Variants in NEXMIF observed in about 807,000 individuals in gnomAD.
NEXMIF encodes the protein neurite extension and migration factor.
A neutral mutation model predicts 62.1 loss-of-function variants in NEXMIF; 8 were observed. The ratio of observed to expected loss-of-function variants is 0.13; its 90% CI spans 0.08 to 0.23. NEXMIF has a LOEUF of 0.23. Among genes scored for constraint, NEXMIF ranks in the 10% least tolerant of loss-of-function variants. The pLI is 1.00. For missense variants in NEXMIF, 976 were observed against 1,113.3 expected (o/e 0.88, Z 1.75); for synonymous variants, 404 against 416.6 (o/e 0.97, Z 0.37).
intron 1 of NEXMIF, among the ~76,000 whole-genome samples, chrX:74,845,840 C>T (rs1029334016): frequency 3.6e-5 from 4 of 110,080 alleles, no homozygotes; most frequent in Non-Finnish European, 5.7e-5. Context: ...CTAATTATAA[C>T]CTCTCTTAAA....
At chrX:74,914,683 TCAAA>T (rs915612224) in intron 1 of NEXMIF, among the ~76,000 whole-genome samples, 20 of 110,988 alleles carry the variant, frequency 1.8e-4, no homozygotes, top group South Asian at 3.8e-4. Flanking sequence ...TCCGCCCCAC[TCAAA>T]CAAACAAACA....
chrX:74,914,968 TAA>T (rs1569368299), intron 1 of NEXMIF, among the ~76,000 whole-genome samples: 1 of 112,372 alleles, frequency 8.9e-6, no homozygotes, highest in Non-Finnish European at 1.9e-5. Context: ...TCCATTTATA[TAA>T]AAATCTTGAA....
At chrX:74,885,154 G>C (rs2080685806) in intron 1 of NEXMIF, among the ~76,000 whole-genome samples, 1 of 110,724 alleles carries the variant, frequency 9.0e-6, no homozygotes. Context: ...GCAGTGTGTA[G>C]AGGGAAATTT....
At chrX:74,823,416 C>A (rs1279781378) in intron 1 of NEXMIF, among the ~76,000 whole-genome samples, 1 of 111,117 alleles carries the variant, frequency 9.0e-6, no homozygotes, top group African/African-American at 3.3e-5. Context: ...AAAGTCAATG[C>A]CTTAAAAGAC....
At chrX:74,876,057 T>C (rs1038064884) in intron 1 of NEXMIF, among the ~76,000 whole-genome samples, 2 of 111,565 alleles carry the variant, frequency 1.8e-5, no homozygotes, top group African/African-American at 6.6e-5. Context: ...TGTTTGCTCT[T>C]GCTTTTCTAG....
intron 1 of NEXMIF, among the ~76,000 whole-genome samples, chrX:74,875,637 G>A (rs182515455): frequency 1.8e-5 from 2 of 111,704 alleles, no homozygotes; most frequent in African/African-American, 6.5e-5. Context: ...ACTCTTTTTG[G>A]TTGGTAAGCT....
At chrX:74,809,782 A>G (rs755854262) in intron 1 of NEXMIF, among the ~76,000 whole-genome samples, 29 of 111,744 alleles carry the variant, frequency 2.6e-4, no homozygotes, top group African/African-American at 8.8e-4. Context: ...TTGGGTTTCA[A>G]CACAGTCCAG....
intron 1 of NEXMIF, among the ~76,000 whole-genome samples, chrX:74,810,167 AT>A (rs1039494737): frequency 1.8e-5 from 2 of 111,957 alleles, no homozygotes; most frequent in Non-Finnish European, 3.8e-5. Flanking sequence ...TAATTAGAAT[AT>A]TTTTTTAGCA....
chrX:74,857,564 T>G (rs187626436), intron 1 of NEXMIF, among the ~76,000 whole-genome samples: 1 of 111,926 alleles, frequency 8.9e-6, no homozygotes, highest in Non-Finnish European at 1.9e-5. Context: ...ATGTGCTGGC[T>G]TTGGGTGAGA....
rs1349775402 is a variant in NEXMIF at position 74,764,400 on chromosome X, G to A, written c.-47-18703C>T. Among the ~76,000 whole-genome samples, 2 of 111,861 alleles carry A rather than the reference G, an allele frequency of 1.8e-5. 1 individual carries two copies. Among genetic ancestry groups the A allele is most frequent in the Non-Finnish European group, 3.8e-5 (2 of 53,206 alleles). On this transcript the variant is annotated intron_variant, in intron 1 of 3. Coordinates refer to ENST00000055682, the MANE Select transcript of NEXMIF (RefSeq NM_001008537.3). ...TTTTATTGAGGATTTTTGAATCAAT[G>A]TTCATCAGGGATATTGGTCTAAAAT...
chrX:74,844,183 T>C (rs1028209976), intron 1 of NEXMIF, among the ~76,000 whole-genome samples: 1 of 111,446 alleles, frequency 9.0e-6, no homozygotes, highest in Non-Finnish European at 1.9e-5. Flanking sequence ...GTAGGTGACC[T>C]GCCCATTCTC....
At chrX:74,834,897 C>G (rs2080451262) in intron 1 of NEXMIF, among the ~76,000 whole-genome samples, 1 of 111,734 alleles carries the variant, frequency 8.9e-6, no homozygotes, top group South Asian at 3.7e-4. Context: ...ATTTCTACCT[C>G]TATCTGTTTC....
At chrX:74,864,762 G>T (rs777109490) in intron 1 of NEXMIF, among the ~76,000 whole-genome samples, 6 of 110,323 alleles carry the variant, frequency 5.4e-5, no homozygotes, top group Non-Finnish European at 1.1e-4. Context: ...AGGCTGGAGT[G>T]CAGTGGTATG....
chrX:74,903,325 T>TAC (rs397897060), intron 1 of NEXMIF, among the ~76,000 whole-genome samples: 5,869 of 51,147 alleles, frequency 0.11, 589 homozygotes, highest in Middle Eastern at 0.19. Context: ...TTCTCAGGCA[T>TAC]ACACACACAC....
intron 1 of NEXMIF, among the ~76,000 whole-genome samples, chrX:74,922,881 G>C (rs188842166): frequency 3.3e-4 from 37 of 111,586 alleles, no homozygotes; most frequent in Non-Finnish European, 5.1e-4. Context: ...GTTTATGTCT[G>C]GGGGGGCCAG....
At chrX:74,882,960 T>A (rs1324212120) in intron 1 of NEXMIF, among the ~76,000 whole-genome samples, 1 of 111,176 alleles carries the variant, frequency 9.0e-6, no homozygotes, top group African/African-American at 3.3e-5. Context: ...TCCAGAGGAA[T>A]GATCAGGGAG....
At chrX:74,848,974 T>A (rs1163790273) in intron 1 of NEXMIF, among the ~76,000 whole-genome samples, 2 of 112,116 alleles carry the variant, frequency 1.8e-5, no homozygotes, top group Non-Finnish European at 3.8e-5. Flanking sequence ...CTTGCCAGCC[T>A]CCAGAATTGT....
intron 1 of NEXMIF, among the ~76,000 whole-genome samples, chrX:74,863,126 C>T (rs1461701047): frequency 1.8e-5 from 2 of 108,474 alleles, no homozygotes; most frequent in Non-Finnish European, 3.8e-5. Flanking sequence ...GAGCTGAGTC[C>T]ATGCCACTGG....
chrX:74,814,439 T>C (rs1486092840), intron 1 of NEXMIF, among the ~76,000 whole-genome samples: 2 of 111,953 alleles, frequency 1.8e-5, no homozygotes, highest in African/African-American at 3.2e-5. Context: ...TTTTAGGGGA[T>C]CCACAATAGT....
Sources: allele counts gnomAD v4.1 joint callset (sites outside exome capture counted in the v4.1 genomes callset), GRCh38; gene constraint gnomAD v4.1.1; transcripts MANE v1.5; gene names NCBI Gene and HGNC (gene_info 2026-07-23, HGNC 2026-07-21).